TMPRSS6: variants seen among roughly 807,000 people sequenced by gnomAD.
TMPRSS6 encodes the protein transmembrane protease serine 6.
A neutral mutation model predicts 101.5 loss-of-function variants in TMPRSS6; 67 were observed. The ratio of observed to expected loss-of-function variants is 0.66; its 90% CI spans 0.54 to 0.81. The LOEUF (loss-of-function observed/expected upper bound fraction) is 0.81. Among genes scored for constraint, TMPRSS6 ranks in the 30% least tolerant of loss-of-function variants. The pLI, the probability that TMPRSS6 is intolerant of heterozygous loss-of-function variation, is 0.00. For synonymous variants in TMPRSS6, 453 were observed against 464.9 expected (o/e 0.97, Z 0.33); for missense variants, 1,034 against 1,088.7 (o/e 0.95, Z 0.71).
chr22:37,067,198 C>G (rs894805407), intron 16 of TMPRSS6, among the ~76,000 whole-genome samples: 1 of 152,146 alleles, frequency 6.6e-6, no homozygotes, highest in African/African-American at 2.4e-5. Flanking sequence ...GGGCCGGGCA[C>G]GGTGGCTCAT....
intron 2 of TMPRSS6, among the ~76,000 whole-genome samples, 157 bp from the exon 3 acceptor site, chr22:37,098,706 C>T (rs1270937123): frequency 2.6e-5 from 4 of 152,198 alleles, no homozygotes; most frequent in African/African-American, 9.7e-5. Context: ...CTTTGTCACT[C>T]CCATTGTCAT....
At position 37,095,584 on chromosome 22, in the gene TMPRSS6, C is replaced by G. The variant is rs765416102; in HGVS notation, c.598G>C (p.Val200Leu). ...GAATTCAATGCAGCTATGTCTTTCACACTGGCTTCTGATAAAAGGAAATGA... is the reference window on the plus strand; with the variant it reads ...GAATTCAATGCAGCTATGTCTTTCAGACTGGCTTCTGATAAAAGGAAATGA... The part of the protein sequence containing the change: ...PEGLVILEAS[V>L]KDIAALNSTL... The change falls in exon 6 of 18, where the codon GTG becomes CTG. Residue 200 changes from valine to leucine, a missense_variant. Val to Leu is a conservative substitution (Grantham distance 32). Coordinates refer to ENST00000676104, the MANE Select transcript of TMPRSS6 (RefSeq NM_001374504.1). 4 of 1,607,658 alleles carry G rather than the reference C, an allele frequency of 2.5e-6. No homozygotes were observed. Among genetic ancestry groups the G allele is most frequent in the Non-Finnish European group, 3.4e-6 (4 of 1,178,352 alleles).
At chr22:37,087,266 C>T (rs552893026) in intron 7 of TMPRSS6, among the ~76,000 whole-genome samples, 125 of 152,342 alleles carry the variant, frequency 8.2e-4, no homozygotes, top group Middle Eastern at 6.8e-3. Context: ...AAGAAACTAA[C>T]GGCCCCACCT....
rs199474803 is a variant in TMPRSS6 at position 37,098,439 on chromosome 22, C to T, written c.313G>A (p.Glu105Lys). 6.2e-7 allele frequency: 1 copy of T among 1,613,952 alleles called. No individual in the cohort carries two copies. The highest frequency in any genetic ancestry group is 1.3e-5 in the African/African-American group (1 of 74,934). Residue 105 changes from glutamate (E) to lysine (K), a missense_variant, in exon 3 of 18, where the codon GAA becomes AAA. Coordinates refer to ENST00000676104, the MANE Select transcript of TMPRSS6 (RefSeq NM_001374504.1). ...ACCATCTTCTGGGCTTTGGCGGTTT[C>T]ACTGCGGAAGGCACTAGATTCCCGG... The part of the protein sequence containing the change: ...TRRESSAFRS[E>K]TAKAQKMLKE...
rs547121623 is a variant in TMPRSS6, at chr22:37,072,100, A to G, written c.1556-1068T>C. 1.6e-4 allele frequency among the ~76,000 whole-genome samples: 23 copies of G among 144,430 alleles called. No individual in the cohort carries two copies. The East Asian group carries it at 4.4e-3, about 28-fold the overall frequency. 94.8% of individuals were successfully genotyped at this position (144,430 alleles called of 152,430 possible). On this transcript the variant is annotated intron_variant, in intron 13 of 17. Transcript: ENST00000676104. Reference sequence around the variant, plus strand: ...TGATGGATGGATGGATGATGGACAGATGATGGATGGACGGATGATGGATGG... The same window carrying G: ...TGATGGATGGATGGATGATGGACAGGTGATGGATGGACGGATGATGGATGG...
At position 37,078,828 on chromosome 22, in the gene TMPRSS6, AAG is replaced by A. The variant is rs528416772; in HGVS notation, c.1197-3550_1197-3549del. ...GAAGAGGAGAAGGAGAAGAAGAAGAAAGAGGAGGAGGAGAAGGAAGAGAAGGA... is the reference window on the plus strand; with the variant it reads ...GAAGAGGAGAAGGAGAAGAAGAAGAAAGGAGGAGGAGAAGGAAGAGAAGGA... On this transcript the variant is annotated intron_variant, in intron 10 of 17. Transcript: ENST00000676104. 1.8e-4 allele frequency among the ~76,000 whole-genome samples: 25 copies of A among 140,328 alleles called. No individual in the cohort carries two copies. In the East Asian group the frequency reaches 2.6e-3, roughly 15 times the overall value. 92.1% of individuals were successfully genotyped at this position (140,328 alleles called of 152,430 possible). A position where few individuals can be genotyped will look rare whatever the true frequency, so the allele number is the denominator to read the frequency against.
At chr22:37,073,790 T>G (rs1455697210) in intron 12 of TMPRSS6, 145 bp from the exon 13 acceptor site, 6 of 701,132 alleles carry the variant, frequency 8.6e-6, no homozygotes, top group East Asian at 5.3e-5. Context: ...TGTCTCGCTC[T>G]TGTCACGAAG....
chr22:37,085,282 A>G (rs1258186619), intron 8 of TMPRSS6, among the ~76,000 whole-genome samples: 1 of 152,098 alleles, frequency 6.6e-6, no homozygotes, highest in African/African-American at 2.4e-5. Flanking sequence ...GGGTCAGGAC[A>G]GGAGCATGCT....
chr22:37,078,111 C>T (rs1927835289), intron 10 of TMPRSS6, among the ~76,000 whole-genome samples: 1 of 152,208 alleles, frequency 6.6e-6, no homozygotes, highest in Admixed American at 6.5e-5. Flanking sequence ...GACAGGGGAG[C>T]CAGGGGTTGG....
intron 10 of TMPRSS6, among the ~76,000 whole-genome samples, chr22:37,078,236 G>A (rs946904263): frequency 1.3e-5 from 2 of 152,206 alleles, no homozygotes; most frequent in African/African-American, 4.8e-5. Context: ...AGCCGGGGTT[G>A]GAGGGGAGTG....
Position 37,066,005 on chromosome 22 carries a change from T to A in TMPRSS6, c.*75A>T, listed in dbSNP as rs1926241473. ...CTCCCCCACCCCCCGCCAGAATACTTGTCCCCCTGCTTGGCAGTTGCCCTG... is the reference window on the plus strand; with the variant it reads ...CTCCCCCACCCCCCGCCAGAATACTAGTCCCCCTGCTTGGCAGTTGCCCTG... On this transcript the variant is annotated 3_prime_UTR_variant, in exon 18 of 18. Coordinates refer to ENST00000676104, the MANE Select transcript of TMPRSS6 (RefSeq NM_001374504.1). 1 of 1,594,448 alleles carries A rather than the reference T, an allele frequency of 6.3e-7. No individual in the cohort carries two copies. The highest frequency in any genetic ancestry group is 1.7e-5 in the Admixed American group (1 of 59,874).
chr22:37,075,982 A>AAAGAGAAAGAAAGGAAGAAAGAAAGAAAG (rs1491339824), intron 10 of TMPRSS6, among the ~76,000 whole-genome samples: 5 of 151,252 alleles, frequency 3.3e-5, no homozygotes, highest in African/African-American at 1.2e-4. Flanking sequence ...AAAAAGAAAG[A>AAAGAGAAAGAAAGGAAGAAAGAAAGAAAG]AAGAAAGAGA....
In TMPRSS6 at chr22:37,073,622, T is replaced by C; in HGVS notation, c.1465A>G (p.Lys489Glu). The C allele has an allele frequency of 6.2e-7, 1 of 1,613,974 alleles. No homozygotes were observed. The highest frequency in any genetic ancestry group is 8.5e-7 in the Non-Finnish European group (1 of 1,179,866). The change falls in exon 13 of 18, where the codon AAA (lysine) becomes GAA (glutamate). Residue 489 changes from lysine to glutamate, a missense_variant. By Grantham distance (56) the Lys-to-Glu change is moderately conservative. Transcript: ENST00000676104. ...AGTGAGATGCATGTGCTGTCCTCTT[T>C]GCACTGGAATGTGGCTCTGCAAACT... ...NCVCRATFQC[K>E]EDSTCISLPK...
intron 1 of TMPRSS6, among the ~76,000 whole-genome samples, chr22:37,108,586 G>C (rs1930860914): frequency 6.6e-6 from 1 of 152,202 alleles, no homozygotes; most frequent in Non-Finnish European, 1.5e-5. Flanking sequence ...CCTTGGGGCG[G>C]GGCCGCGACT....
At chr22:37,087,150 C>CAGGG (rs1047951380) in intron 7 of TMPRSS6, among the ~76,000 whole-genome samples, 4 of 152,168 alleles carry the variant, frequency 2.6e-5, no homozygotes, top group African/African-American at 9.7e-5. Context: ...CTGTCTCAGA[C>CAGGG]AGGGGTTCCC....
Position 37,089,792 on chromosome 22 carries a change from G to A in TMPRSS6, c.632-10C>T, listed in dbSNP as rs762066936. On this transcript the variant is annotated splice_polypyrimidine_tract_variant and intron_variant, in intron 6 of 17. Transcript: ENST00000676104. ...CTGTAGCGGTAACAACCTGGAGCGG[G>A]GAGAGGGGCACAGCCCCTGATTCCT... 9.9e-6 allele frequency: 16 copies of A among 1,609,930 alleles called. No homozygotes were observed. Among genetic ancestry groups the A allele is most frequent in the Non-Finnish European group, 1.4e-5 (16 of 1,178,930 alleles).
Position 37,069,441 on chromosome 22 carries a change from C to T in TMPRSS6, c.1842-97G>A, listed in dbSNP as rs1926685528. Reference sequence around the variant, plus strand: ...ACCCTCAAGATAGCCAGATCCCCGCCCGGGACAGTGCCCTCCACACCCAGC... The same window carrying T: ...ACCCTCAAGATAGCCAGATCCCCGCTCGGGACAGTGCCCTCCACACCCAGC... On this transcript the variant is annotated intron_variant, in intron 15 of 17. Transcript: ENST00000676104. The surrounding 1 kb of genome is among the most constrained non-coding windows in gnomAD (Gnocchi z 4.8). 2 of 1,215,182 alleles carry T rather than the reference C, an allele frequency of 1.6e-6. No homozygotes were observed. Among genetic ancestry groups the T allele is most frequent in the African/African-American group, 1.5e-5 (1 of 66,270 alleles). The allele number at this position is 1,215,182 out of a possible 1,614,324, so 75.3% of individuals were successfully genotyped here.
At chr22:37,066,990 A>G in intron 16 of TMPRSS6, 28 bp from the exon 17 acceptor site, 1 of 1,613,946 alleles carries the variant, frequency 6.2e-7, no homozygotes, top group Non-Finnish European at 8.5e-7. Context: ...CAGAAGTGAG[A>G]TCTCAGGAGC....
chr22:37,089,345 G>A (rs569747536), intron 7 of TMPRSS6, among the ~76,000 whole-genome samples: 5 of 152,152 alleles, frequency 3.3e-5, no homozygotes, highest in African/African-American at 4.8e-5. Context: ...CTACAACAAC[G>A]GCTTTGTTAC....
Sources: allele counts gnomAD v4.1 joint callset (sites outside exome capture counted in the v4.1 genomes callset), GRCh38; gene constraint gnomAD v4.1.1; non-coding constraint Gnocchi (gnomAD v3.1); transcripts MANE v1.5; gene names NCBI Gene and HGNC (gene_info 2026-07-23, HGNC 2026-07-21).